The following LILRB5 variants were observed in gnomAD, a reference collection of about 807,000 sequenced individuals.
The protein encoded by LILRB5 is leukocyte immunoglobulin-like receptor subfamily B member 5.
In LILRB5, 61 loss-of-function variants were observed where a neutral mutation model predicts 68.4. The ratio of observed to expected loss-of-function variants is 0.89; its 90% CI spans 0.73 to 1.10. The LOEUF is 1.10. LILRB5 is among the 50% of genes least tolerant of loss of function. The probability of loss-of-function intolerance (pLI) is 0.00; values close to 1 mark genes in which losing one functional copy is unlikely to be tolerated. For missense variants in LILRB5, 771 were observed against 751.6 expected, an observed-to-expected ratio of 1.03 and a Z score of -0.30; for synonymous variants, 356 against 315.8, an observed-to-expected ratio of 1.13 and a Z score of -1.35.
At chr19:54,252,184 TC>T (rs1953039164) in intron 11 of LILRB5, 78 bp from the exon 12 acceptor site, 1 of 1,550,752 alleles carries the variant, frequency 6.4e-7, no homozygotes, top group Admixed American at 1.7e-5. Flanking sequence ...CTTGCCCTGT[TC>T]CCACTAGGGT....
At chr19:54,253,234 A>C in intron 8 of LILRB5, 1 of 223,362 alleles carries the variant, frequency 4.5e-6, no homozygotes, top group Non-Finnish European at 9.3e-6. Flanking sequence ...TGTTTTCCCC[A>C]GCTGTCCTCC....
In LILRB5 at chr19:54,256,470, C is replaced by A. The variant is rs751005917; in HGVS notation, c.355+19G>T. On this transcript the variant is annotated intron_variant, in intron 3 of 12. Transcript: ENST00000449561. Reference sequence around the variant, plus strand: ...CTGAGGGCAGAGCCTGGGGCTGGGACCCCTGAGTGTCCTCTCACCTGTCGC... The same window carrying A: ...CTGAGGGCAGAGCCTGGGGCTGGGAACCCTGAGTGTCCTCTCACCTGTCGC... 1 of 1,612,654 alleles carries A rather than the reference C, an allele frequency of 6.2e-7. No individual in the cohort carries two copies. Among genetic ancestry groups the A allele is most frequent in the Non-Finnish European group, 8.5e-7 (1 of 1,179,356 alleles).
chr19:54,255,510 T>G lies in LILRB5; in HGVS notation c.728A>C (p.Gln243Pro), dbSNP rs544050586. The change falls in exon 5 of 13, where the codon CAG (glutamine) becomes CCG (proline). Residue 243 changes from glutamine to proline, a missense_variant. Coordinates refer to ENST00000449561, the MANE Select transcript of LILRB5 (RefSeq NM_001081442.3). ...GTCATAGCCGACATCAGAGCGACAC[T>G]GCAGGGTCAGGCTGCCTCCGCGGGC... ...VVARGGSLTLQCRSDVGYDIF... is the reference protein window; with the variant it reads ...VVARGGSLTLPCRSDVGYDIF... The G allele has an allele frequency of 1.6e-4, 254 of 1,613,926 alleles. 1 individual carries two copies. In the South Asian group the frequency reaches 2.6e-3, roughly 17 times the overall value.
At position 54,254,721 on chromosome 19, in the gene LILRB5, G is replaced by T. The variant is rs2079065191; in HGVS notation, c.1255+14C>A. The T allele has an allele frequency of 1.9e-6, 3 of 1,613,544 alleles. No homozygotes were observed. Among genetic ancestry groups the T allele is most frequent in the Non-Finnish European group, 2.5e-6 (3 of 1,179,748 alleles). On this transcript the variant is annotated intron_variant, in intron 6 of 12. Transcript: ENST00000449561. ...AGCCTTTGAGCTTGGACAGGACAGG[G>T]TCAGGGCCCTCACCTGAGACCACGA...
In LILRB5 at chr19:54,250,617, C is replaced by T; in HGVS notation, c.*169G>A. ...TCAAAAATGCAAGGATATTAGTCAT[C>T]TTTGACTGCAGAATCTAGTGAGTCC... On this transcript the variant is annotated 3_prime_UTR_variant, in exon 13 of 13. Transcript: ENST00000449561. The T allele has an allele frequency of 1.3e-6, 1 of 767,102 alleles. No individual in the cohort carries two copies. The highest frequency in any genetic ancestry group is 2.1e-6 in the Non-Finnish European group (1 of 482,174). 47.5% of individuals were successfully genotyped at this position (767,102 alleles called of 1,614,324 possible).
chr19:54,250,053 CAA>C lies in LILRB5; in HGVS notation c.*731_*732del, dbSNP rs1329758938. The C allele has an allele frequency of 6.6e-6, 1 of 152,478 alleles. No individual in the cohort carries two copies. Among genetic ancestry groups the C allele is most frequent in the Admixed American group, 6.5e-5 (1 of 15,276 alleles). 9.4% of individuals were successfully genotyped at this position (152,478 alleles called of 1,614,324 possible). On this transcript the variant is annotated 3_prime_UTR_variant, in exon 13 of 13. Transcript: ENST00000449561. ...TCTCAAAAAACAAAACAAAACAAAA[CAA>C]AAACCCTCACACAAAAACCAAGACA... is the stretch of plus-strand genomic sequence containing the variant.
In LILRB5 at chr19:54,252,480, A is replaced by G; in HGVS notation, c.1538+6T>C. Reference sequence around the variant, plus strand: ...ATGGGAGTCTTGGGTCTTCATGCAGAATTACCTCTTCTGCAGGCCCTGGTC... The same window carrying G: ...ATGGGAGTCTTGGGTCTTCATGCAGGATTACCTCTTCTGCAGGCCCTGGTC... On this transcript the variant is annotated splice_donor_region_variant and intron_variant, in intron 10 of 12. Transcript: ENST00000449561. The G allele has an allele frequency of 6.2e-7, 1 of 1,614,132 alleles. No homozygotes were observed. Among genetic ancestry groups the G allele is most frequent in the South Asian group, 1.1e-5 (1 of 91,080 alleles).
chr19:54,252,571 G>T (rs1279649998), intron 9 of LILRB5, 22 bp from the exon 10 acceptor site: 1 of 1,613,218 alleles, frequency 6.2e-7, no homozygotes, highest in South Asian at 1.1e-5. Flanking sequence ...TGGACAGAGG[G>T]TCAGGCCTGG....
chr19:54,251,689 C>G, intron 12 of LILRB5: 1 of 635,228 alleles, frequency 1.6e-6, no homozygotes, highest in Non-Finnish European at 3.0e-6. Flanking sequence ...GTGTCTGCAG[C>G]TCCCATGGGG....
rs1037867757 is a variant in LILRB5 at position 54,256,025 on chromosome 19, G to A, written c.655+18C>T. On this transcript the variant is annotated intron_variant, in intron 4 of 12. Transcript: ENST00000449561. ...TGGTTCCCCAAAATTATATAAAGAA[G>A]TGTGGTGGCTTTTTCACCTGGGACC... 6.6e-7 allele frequency: 1 copy of A among 1,520,494 alleles called. No individual in the cohort carries two copies. Among genetic ancestry groups the A allele is most frequent in the Non-Finnish European group, 8.8e-7 (1 of 1,136,766 alleles). 94.2% of individuals were successfully genotyped at this position (1,520,494 alleles called of 1,614,324 possible).
In LILRB5 at chr19:54,254,025, G is replaced by T; in HGVS notation, c.1350C>A (p.Pro450=). ...DQPLTPTGLD[P]QSGLGRHLGV... is the part of the protein sequence containing the mutation. ...TCAGAGCCCCTCACTCACCACTCTGGGGATCCAACCCCGTGGGGGTGAGGG... is the reference window on the plus strand; with the variant it reads ...TCAGAGCCCCTCACTCACCACTCTGTGGATCCAACCCCGTGGGGGTGAGGG... Residue 450 remains proline (P), a synonymous_variant, in exon 8 of 13, where the codon CCC becomes CCA. Transcript: ENST00000449561. 1 of 1,595,316 alleles carries T rather than the reference G, an allele frequency of 6.3e-7. No individual in the cohort carries two copies. Among genetic ancestry groups the T allele is most frequent in the East Asian group, 2.3e-5 (1 of 44,292 alleles).
chr19:54,253,084 C>A, intron 8 of LILRB5, 97 bp from the exon 9 acceptor site: 2 of 610,232 alleles, frequency 3.3e-6, no homozygotes, highest in South Asian at 3.8e-5. Context: ...TGAGCTCCAA[C>A]CCTCACAGCA....
At chr19:54,257,056 C>G in intron 1 of LILRB5, 60 bp from the exon 2 acceptor site, 1 of 1,614,052 alleles carries the variant, frequency 6.2e-7, no homozygotes, top group South Asian at 1.1e-5. Context: ...TCCTCTCCTC[C>G]CTCGGAGCCT....
At chr19:54,255,935 C>T (rs1378728797) in intron 4 of LILRB5, 108 bp downstream of exon 4, 3 of 931,816 alleles carry the variant, frequency 3.2e-6, no homozygotes, top group African/African-American at 3.3e-5. Context: ...TCAGCCCATC[C>T]ATCAACACAT....
At chr19:54,251,416 CT>C in intron 12 of LILRB5, 1 of 583,196 alleles carries the variant, frequency 1.7e-6, no homozygotes, top group South Asian at 2.0e-5. Context: ...GCCTCGGGGC[CT>C]TTGCACGGCT....
In LILRB5 at chr19:54,252,929, C is replaced by T. The variant is rs199840735; in HGVS notation, c.1416G>A (p.Leu472=). The T allele has an allele frequency of 6.3e-7, 1 of 1,589,478 alleles. No homozygotes were observed. The highest frequency in any genetic ancestry group is 2.4e-5 in the East Asian group (1 of 42,424). Residue 472 remains leucine (L), a synonymous_variant, in exon 9 of 13, where the codon CTG becomes CTA. Coordinates refer to ENST00000449561, the MANE Select transcript of LILRB5 (RefSeq NM_001081442.3). ...TGVSVAFVLL[L]FLLLFLLLRH... ...GGAGGAGGAGGAAGAGGAGGAGGAA[C>T]AGCAGCAGGACGAAGGCCACTGAGA...
At chr19:54,254,642 C>CCG (rs748798722) in intron 6 of LILRB5, 93 bp downstream of exon 6, 1 of 1,504,166 alleles carries the variant, frequency 6.6e-7, no homozygotes, top group Non-Finnish European at 9.2e-7. Context: ...CCCTCCCCCC[C>CCG]GCACCGCGAC....
At chr19:54,252,322 G>T in intron 11 of LILRB5, 44 bp downstream of exon 11, 1 of 1,604,820 alleles carries the variant, frequency 6.2e-7, no homozygotes, top group Non-Finnish European at 8.5e-7. Context: ...AAACTTTGGT[G>T]CTCCCTTGCC....
At chr19:54,253,276 A>G (rs1218158079) in intron 8 of LILRB5, 7 of 215,548 alleles carry the variant, frequency 3.2e-5, no homozygotes, top group South Asian at 5.9e-5. Flanking sequence ...CCTGTTTCCT[A>G]TTTGACAGGA....
Sources: allele counts gnomAD v4.1 joint callset, GRCh38; gene constraint gnomAD v4.1.1; transcripts MANE v1.5; gene names NCBI Gene and HGNC (gene_info 2026-07-23, HGNC 2026-07-21).